The following DBH variants were observed in gnomAD, a reference collection of about 807,000 sequenced individuals.
DBH encodes the protein dopamine beta-hydroxylase (dopamine beta-monooxygenase).
DBH carries 49 observed loss-of-function variants against 64.0 expected under a neutral mutation model. That is an observed-to-expected ratio of 0.77 (90% CI 0.61 to 0.97). DBH has a LOEUF of 0.97. DBH is among the 50% of genes least tolerant of loss of function. DBH has a pLI of 0.00. For synonymous variants in DBH, 343 were observed against 347.1 expected, an observed-to-expected ratio of 0.99 and a Z score of 0.13; for missense variants, 828 against 826.6, an observed-to-expected ratio of 1.00 and a Z score of -0.02.
At position 133,648,016 on chromosome 9, in the gene DBH, A is replaced by T; in HGVS notation, c.1191+4A>T. The T allele has an allele frequency of 6.2e-7, 1 of 1,610,788 alleles. No individual in the cohort carries two copies. Among genetic ancestry groups the T allele is most frequent in the Non-Finnish European group, 8.5e-7 (1 of 1,179,288 alleles). ...CACGGACAAGTGCACCCAGCTGGTGAGTGGGGCTGGGCCCGGCACTGCACC... is the reference window on the plus strand; with the variant it reads ...CACGGACAAGTGCACCCAGCTGGTGTGTGGGGCTGGGCCCGGCACTGCACC... On this transcript the variant is annotated splice_donor_region_variant and intron_variant, in intron 6 of 11. Coordinates refer to ENST00000393056, the MANE Select transcript of DBH (RefSeq NM_000787.4).
At chr9:133,649,308 C>T (rs1021043135) in intron 6 of DBH, among the ~76,000 whole-genome samples, 3 of 152,138 alleles carry the variant, frequency 2.0e-5, no homozygotes, top group African/African-American at 7.2e-5. Flanking sequence ...TCCTCCTGTG[C>T]GGTAGCTTTA....
At chr9:133,642,091 T>G in intron 2 of DBH, 116 bp from the exon 3 acceptor site, 1 of 1,412,384 alleles carries the variant, frequency 7.1e-7, no homozygotes, top group Non-Finnish European at 9.8e-7. Context: ...TTCACAGAGA[T>G]GAGAGTGAGG....
At chr9:133,636,807 C>T (rs990399435) in intron 1 of DBH, 97 bp downstream of exon 1, 11 of 1,150,674 alleles carry the variant, frequency 9.6e-6, no homozygotes, top group Non-Finnish European at 1.4e-5. Context: ...CCAGAAAGTT[C>T]TTCTGTCACC....
intron 1 of DBH, among the ~76,000 whole-genome samples, chr9:133,638,634 G>C (rs937412186): frequency 1.4e-4 from 22 of 152,164 alleles, no homozygotes; most frequent in Non-Finnish European, 2.9e-4. Context: ...TCAGGTGGAG[G>C]AGGTAGCTAG....
Position 133,638,239 on chromosome 9 carries a change from G to A in DBH, c.339+1529G>A, listed in dbSNP as rs541204477. On this transcript the variant is annotated intron_variant, in intron 1 of 11. Coordinates refer to ENST00000393056, the MANE Select transcript of DBH (RefSeq NM_000787.4). ...ACTAATATCTTCTTGATTTCCAGCT[G>A]AAATATCACAGGCGAACTTTCTGCC... Among the ~76,000 whole-genome samples the A allele has an allele frequency of 3.3e-5, 5 of 152,354 alleles. No homozygotes were observed. In the East Asian group the frequency reaches 9.6e-4, roughly 29 times the overall value.
At chr9:133,646,312 T>G (rs1588349614) in intron 5 of DBH, among the ~76,000 whole-genome samples, 2 of 138,432 alleles carry the variant, frequency 1.4e-5, no homozygotes, top group African/African-American at 5.7e-5. Context: ...GCACAGCCCC[T>G]CCAGACCACC....
chr9:133,644,140 G>C, intron 4 of DBH, 78 bp from the exon 5 acceptor site: 1 of 1,078,928 alleles, frequency 9.3e-7, no homozygotes, highest in Non-Finnish European at 1.4e-6. Context: ...GGCCCCAACA[G>C]TTGACTGGGT....
At position 133,652,388 on chromosome 9, in the gene DBH, G is replaced by A. The variant is rs1369869661; in HGVS notation, c.1374+104G>A. ...GGAGAGGGACACAGAAAGTGATAGGGGGAGGGAGAGCCATCCAGGGCAGGG... is the reference window on the plus strand; with the variant it reads ...GGAGAGGGACACAGAAAGTGATAGGAGGAGGGAGAGCCATCCAGGGCAGGG... On this transcript the variant is annotated intron_variant, in intron 8 of 11. Coordinates refer to ENST00000393056, the MANE Select transcript of DBH (RefSeq NM_000787.4). 3 of 1,408,244 alleles carry A rather than the reference G, an allele frequency of 2.1e-6. No homozygotes were observed. The East Asian group carries it at 6.9e-5, about 32-fold the overall frequency. The allele number at this position is 1,408,244 out of a possible 1,614,324, so 87.2% of individuals were successfully genotyped here. A position where few individuals can be genotyped will look rare whatever the true frequency, so the allele number is the denominator to read the frequency against.
chr9:133,657,626 G>A (rs986913094), intron 11 of DBH, among the ~76,000 whole-genome samples: 2 of 152,294 alleles, frequency 1.3e-5, no homozygotes, highest in Non-Finnish European at 2.9e-5. Context: ...TGAGCAGGGC[G>A]CACTAACCTG....
chr9:133,657,450 AGGAGAGAGGGAGAG>A (rs1564215860), intron 11 of DBH: 33 of 91,560 alleles, frequency 3.6e-4, no homozygotes, highest in African/African-American at 1.2e-3. Context: ...GAGGAGAGAG[AGGAGAGAGGGAGAG>A]GGAGAGAGGG....
rs1180502234 is a variant in DBH, at chr9:133,643,962, G to A, written c.922-256G>A. Among the ~76,000 whole-genome samples, 5 of 152,080 alleles carry A rather than the reference G, an allele frequency of 3.3e-5. No individual in the cohort carries two copies. Among genetic ancestry groups the A allele is most frequent in the East Asian group, 1.9e-4 (1 of 5,178 alleles). ...GGGGGTCTCCCCAGCTCTTACACCC[G>A]TCTAGAGAAGGGGTTTTGGGGGAAG... On this transcript the variant is annotated intron_variant, in intron 4 of 11. Transcript: ENST00000393056. This position sits in a 1 kb window ranked among gnomAD's most constrained non-coding sequence, Gnocchi z 5.3.
chr9:133,646,322 C>CCCGCCATGT (rs11278217), intron 5 of DBH, among the ~76,000 whole-genome samples: 541 of 151,248 alleles, frequency 3.6e-3, no homozygotes, highest in Non-Finnish European at 5.2e-3. Context: ...TCCAGACCAC[C>CCCGCCATGT]CCGCCATGTC....
At position 133,643,375 on chromosome 9, in the gene DBH, C is replaced by T. The variant is rs375898627; in HGVS notation, c.745-38C>T. 2.5e-5 allele frequency: 41 copies of T among 1,609,932 alleles called. No homozygotes were observed. The highest frequency in any genetic ancestry group is 1.6e-4 in the Middle Eastern group (1 of 6,064). On this transcript the variant is annotated intron_variant, in intron 3 of 11. Coordinates refer to ENST00000393056, the MANE Select transcript of DBH (RefSeq NM_000787.4). This position sits in a 1 kb window ranked among gnomAD's most constrained non-coding sequence, Gnocchi z 5.3. Reference sequence around the variant, plus strand: ...GGGCTGCTGGGGAGGGGAGGGTGGGCGGCCGGTTCCCGGGCTCAGAGGGCT... The same window carrying T: ...GGGCTGCTGGGGAGGGGAGGGTGGGTGGCCGGTTCCCGGGCTCAGAGGGCT...
chr9:133,648,074 G>A, intron 6 of DBH, 62 bp downstream of exon 6: 1 of 1,545,676 alleles, frequency 6.5e-7, no homozygotes, highest in Admixed American at 1.9e-5. Flanking sequence ...GTGGAGGCCT[G>A]GCAGGTCGTG....
chr9:133,656,725 G>A (rs1045984474), intron 10 of DBH, 75 bp downstream of exon 10: 25 of 1,570,644 alleles, frequency 1.6e-5, no homozygotes, highest in Non-Finnish European at 2.0e-5. Flanking sequence ...AGGCGGCTGG[G>A]CAGATTGGAG....
At chr9:133,639,332 A>G (rs1051109601) in intron 1 of DBH, among the ~76,000 whole-genome samples, 1 of 151,866 alleles carries the variant, frequency 6.6e-6, no homozygotes, top group Non-Finnish European at 1.5e-5. Context: ...GCTATCAATC[A>G]CCATCTTAGA....
At position 133,641,163 on chromosome 9, in the gene DBH, T is replaced by C. The variant is rs34242880; in HGVS notation, c.487-1044T>C. ...TCTGTTTGAGCCTGCAATCCATTAA[T>C]AGATGCCAAATAGACAAATACGGAA... On this transcript the variant is annotated intron_variant, in intron 2 of 11. Transcript: ENST00000393056. 4.1e-3 allele frequency among the ~76,000 whole-genome samples: 622 copies of C among 152,330 alleles called. 7 individuals carry two copies. Among genetic ancestry groups the C allele is most frequent in the Non-Finnish European group, 4.3e-3 (293 of 68,032 alleles).
Position 133,652,915 on chromosome 9 carries a change from G to A in DBH, c.1375-25G>A, listed in dbSNP as rs1216951707. The A allele has an allele frequency of 1.9e-6, 3 of 1,606,346 alleles. No homozygotes were observed. The African/African-American group carries it at 4.0e-5, about 21-fold the overall frequency. The stretch of plus-strand genomic sequence containing the variant: ...CTGCCAACGCCAGGTGGCAGGTGCT[G>A]ATGGTCACATTGGCTTTTCCTCAGG... On this transcript the variant is annotated intron_variant, in intron 8 of 11. Coordinates refer to ENST00000393056, the MANE Select transcript of DBH (RefSeq NM_000787.4).
intron 5 of DBH, among the ~76,000 whole-genome samples, chr9:133,644,643 A>G (rs1832160720): frequency 6.6e-6 from 1 of 152,210 alleles, no homozygotes; most frequent in Admixed American, 6.5e-5. Flanking sequence ...GAGAATTTTC[A>G]TAAGGGAAGC....
Sources: gnomAD v4.1 joint callset for allele counts (sites outside exome capture counted in the v4.1 genomes callset) on GRCh38, gnomAD v4.1.1 for gene constraint, Gnocchi (gnomAD v3.1) non-coding constraint, MANE v1.5 for transcripts, NCBI Gene and HGNC (gene_info 2026-07-23, HGNC 2026-07-21) for gene names.